The following IMPA2 variants were observed in gnomAD, a reference collection of about 807,000 sequenced individuals.
IMPA2 encodes inositol monophosphatase 2.
IMPA2 carries 32 observed loss-of-function variants against 35.1 expected under a neutral mutation model. The observed-to-expected ratio is 0.91, with a 90% CI of 0.69 to 1.23. The LOEUF (loss-of-function observed/expected upper bound fraction) is 1.23. Ranked by LOEUF, IMPA2 falls within the 50% of genes most tolerant of loss-of-function variation. The pLI is 0.00. For synonymous variants in IMPA2, 135 were observed against 160.6 expected (o/e 0.84, Z 1.20); for missense variants, 334 against 387.6 (o/e 0.86, Z 1.16).
intron 2 of IMPA2, among the ~76,000 whole-genome samples, chr18:12,007,628 C>CCTCTTTCT (rs1907296263): frequency 8.6e-6 from 1 of 116,674 alleles, no homozygotes; most frequent in Non-Finnish European, 1.7e-5. Flanking sequence ...CTTTTTCTTT[C>CCTCTTTCT]TTCTTTCTTT....
Position 11,999,053 on chromosome 18 carries a change from G to T in IMPA2, c.97-1G>T. On this transcript the variant is annotated splice_acceptor_variant, in intron 1 of 7. Transcript: ENST00000269159. LOFTEE classifies it high-confidence loss of function. The stretch of plus-strand genomic sequence containing the variant: ...ACCCAAATCCCGTACTTTTATTTCA[G>T]ATCATCAGAAAAGCCCTTACTGAGG... 3 of 1,610,506 alleles carry T rather than the reference G, an allele frequency of 1.9e-6. No individual in the cohort carries two copies. The highest frequency in any genetic ancestry group is 1.7e-6 in the Non-Finnish European group (2 of 1,178,734).
intron 2 of IMPA2, among the ~76,000 whole-genome samples, chr18:12,004,775 T>A (rs1388246478): frequency 6.6e-6 from 1 of 152,192 alleles, no homozygotes; most frequent in Non-Finnish European, 1.5e-5. Context: ...TCCACCCACC[T>A]CAGCCTCCCA....
intron 7 of IMPA2, 115 bp downstream of exon 7, chr18:12,029,108 G>GTTTTTTTTT (rs1158665365): frequency 9.7e-5 from 26 of 267,286 alleles, no homozygotes; most frequent in African/African-American, 4.3e-4. Flanking sequence ...CAGAGTTTCT[G>GTTTTTTTTT]TTTTTTTTTT....
intron 5 of IMPA2, among the ~76,000 whole-genome samples, chr18:12,025,044 C>T (rs1598706017): frequency 6.6e-6 from 1 of 152,298 alleles, no homozygotes; most frequent in East Asian, 1.9e-4. Context: ...CCTATTCTTC[C>T]CTCCCCTGAG....
At chr18:12,027,555 T>C (rs1223467365) in intron 5 of IMPA2, among the ~76,000 whole-genome samples, 1 of 146,898 alleles carries the variant, frequency 6.8e-6, no homozygotes, top group East Asian at 2.0e-4. Context: ...TCTTTTTGGT[T>C]GAATGATGGT....
chr18:12,030,688 G>GT lies in IMPA2; in HGVS notation c.*232dup. 1.9e-6 allele frequency: 1 copy of GT among 524,848 alleles called. No individual in the cohort carries two copies. The highest frequency in any genetic ancestry group is 2.4e-5 in the South Asian group (1 of 42,386). The allele number at this position is 524,848 out of a possible 1,614,324, so 32.5% of individuals were successfully genotyped here. ...TTTAATCTCACGTAGCCTTTTTCAG[G>GT]TTAGTACGTGTTCTTCTGTCAGGGC... On this transcript the variant is annotated 3_prime_UTR_variant, in exon 8 of 8. Transcript: ENST00000269159.
chr18:12,027,114 G>T (rs1907901307), intron 5 of IMPA2, among the ~76,000 whole-genome samples: 2 of 152,206 alleles, frequency 1.3e-5, no homozygotes, highest in Admixed American at 1.3e-4. Context: ...TTTGGGAGTG[G>T]CTTTATTTTG....
chr18:12,023,585 C>CT (rs1259179157), intron 5 of IMPA2, among the ~76,000 whole-genome samples: 3 of 152,226 alleles, frequency 2.0e-5, no homozygotes, highest in African/African-American at 7.2e-5. Context: ...CCCACCCGCC[C>CT]TGTGCTCATC....
In IMPA2 at chr18:12,010,066, AT is replaced by A; in HGVS notation, c.335+85del. 1.9e-6 allele frequency: 2 copies of A among 1,061,308 alleles called. No individual in the cohort carries two copies. The highest frequency in any genetic ancestry group is 1.4e-6 in the Non-Finnish European group (1 of 689,740). 65.7% of individuals were successfully genotyped at this position (1,061,308 alleles called of 1,614,324 possible). On this transcript the variant is annotated intron_variant, in intron 3 of 7. Transcript: ENST00000269159. This position sits in a 1 kb window ranked among gnomAD's most constrained non-coding sequence, Gnocchi z 4.8. The stretch of plus-strand genomic sequence containing the variant: ...GAGGTTTTGTCTTTTCAAAAGCAGC[AT>A]TTTTTAAGGCAGGAATATATAAACA...
At chr18:12,018,341 C>T (rs1213383285) in intron 5 of IMPA2, 1 of 152,328 alleles carries the variant, frequency 6.6e-6, no homozygotes, top group Admixed American at 6.5e-5. Context: ...CACCTGTCCA[C>T]CTCTGGATGG....
rs1343428407 is a variant in IMPA2 at position 11,991,989 on chromosome 18, G to A, written c.97-7065G>A. Among the ~76,000 whole-genome samples the A allele has an allele frequency of 6.6e-6, 1 of 152,236 alleles. No individual in the cohort carries two copies. The highest frequency in any genetic ancestry group is 1.5e-5 in the Non-Finnish European group (1 of 68,014). ...CCCCTGAGTAGCTGGGATTATAGGC[G>A]TGTGCCAGCACACCCACCTAATTTT... is the stretch of plus-strand genomic sequence containing the variant. On this transcript the variant is annotated intron_variant, in intron 1 of 7. Coordinates refer to ENST00000269159, the MANE Select transcript of IMPA2 (RefSeq NM_014214.3). The surrounding 1 kb of genome is among the most constrained non-coding windows in gnomAD (Gnocchi z 4.1).
chr18:12,011,982 G>A (rs1568034502), intron 3 of IMPA2, among the ~76,000 whole-genome samples, 188 bp from the exon 4 acceptor site: 1 of 152,254 alleles, frequency 6.6e-6, no homozygotes, highest in Non-Finnish European at 1.5e-5. Flanking sequence ...ACTGTCTTAC[G>A]ACATGGTCAG....
At chr18:12,009,687 C>T (rs1391042368) in intron 2 of IMPA2, among the ~76,000 whole-genome samples, 196 bp from the exon 3 acceptor site, 1 of 152,202 alleles carries the variant, frequency 6.6e-6, no homozygotes, top group Non-Finnish European at 1.5e-5. Flanking sequence ...TTTCTAAATC[C>T]TGCTGAGTAG....
At chr18:12,022,661 C>T (rs1027396927) in intron 5 of IMPA2, among the ~76,000 whole-genome samples, 1 of 150,308 alleles carries the variant, frequency 6.7e-6, no homozygotes, top group African/African-American at 2.4e-5. Context: ...CAGAAATAAT[C>T]ATAAGATAAT....
intron 5 of IMPA2, among the ~76,000 whole-genome samples, chr18:12,019,668 G>A (rs1233434862): frequency 6.6e-6 from 1 of 152,042 alleles, no homozygotes; most frequent in Non-Finnish European, 1.5e-5. Flanking sequence ...ACTTTGAATG[G>A]ATCTTTTGTT....
chr18:12,028,717 G>C, intron 6 of IMPA2, 125 bp from the exon 7 acceptor site: 1 of 1,120,362 alleles, frequency 8.9e-7, no homozygotes, highest in Admixed American at 2.2e-5. Context: ...AGCTTTGGCA[G>C]AAGTGCTGTG....
chr18:11,990,125 C>CCCGGGAAGCGGAGGTTG (rs1906772825), intron 1 of IMPA2, among the ~76,000 whole-genome samples: 1 of 152,168 alleles, frequency 6.6e-6, no homozygotes, highest in African/African-American at 2.4e-5. Context: ...CTAGGCTGAG[C>CCCGGGAAGCGGAGGTTG]CAGTCTCAGG....
At chr18:12,003,954 T>C (rs6505706) in intron 2 of IMPA2, among the ~76,000 whole-genome samples, 63,574 of 152,198 alleles carry the variant, frequency 0.42, 15,661 homozygotes, top group African/African-American at 0.66. Context: ...AGAGATGAGG[T>C]CAGCAGCTCA....
At chr18:11,983,311 A>T (rs661450) in intron 1 of IMPA2, among the ~76,000 whole-genome samples, 25,554 of 152,102 alleles carry the variant, frequency 0.17, 3,539 homozygotes, top group African/African-American at 0.38. Context: ...CCTGCCTCCC[A>T]GCTTTCCTTC....
Sources: allele counts gnomAD v4.1 joint callset (sites outside exome capture counted in the v4.1 genomes callset), GRCh38; gene constraint gnomAD v4.1.1; non-coding constraint Gnocchi (gnomAD v3.1); transcripts MANE v1.5; gene names NCBI Gene and HGNC (gene_info 2026-07-23, HGNC 2026-07-21).